Variants in SLC49A4 observed in about 807,000 individuals in gnomAD.
SLC49A4 encodes disrupted in renal cancer protein 2.
SLC49A4 carries 36 observed loss-of-function variants against 50.6 expected under a neutral mutation model. That is an observed-to-expected ratio of 0.71 (90% CI 0.55 to 0.94). The LOEUF (loss-of-function observed/expected upper bound fraction) is 0.94, where lower values mean the gene tolerates loss of function less well. Among genes scored for constraint, SLC49A4 ranks in the 40% least tolerant of loss-of-function variants. The pLI, the probability that SLC49A4 is intolerant of heterozygous loss-of-function variation, is 0.00. For synonymous variants in SLC49A4, 248 were observed against 241.2 expected (o/e 1.03, Z -0.26); for missense variants, 503 against 605.7 (o/e 0.83, Z 1.78).
chr3:122,795,507 C>A lies in SLC49A4; in HGVS notation c.315C>A (p.Phe105Leu). 6.2e-7 allele frequency: 1 copy of A among 1,601,852 alleles called. No homozygotes were observed. Among genetic ancestry groups the A allele is most frequent in the South Asian group, 1.1e-5 (1 of 90,530 alleles). Residue 105 changes from phenylalanine to leucine, a missense_variant, in exon 1 of 9, where the codon TTC (phenylalanine) becomes TTA (leucine). By Grantham distance (22) the Phe-to-Leu change is conservative. Transcript: ENST00000261038. ...GGCCCATCGGCTTCCTGCCCTGCTT[C>A]GCGTTCATGTGGCTCCTGGACAAGA... ...LWGPIGFLPC[F>L]AFMWLLDKRG...
intron 2 of SLC49A4, among the ~76,000 whole-genome samples, chr3:122,809,962 C>T (rs982093428): frequency 7.2e-5 from 11 of 152,132 alleles, no homozygotes; most frequent in African/African-American, 2.7e-4. Context: ...GAAAATGCTA[C>T]AATTGGAACA....
At chr3:122,823,888 A>G (rs182383790) in intron 2 of SLC49A4, among the ~76,000 whole-genome samples, 22 of 152,354 alleles carry the variant, frequency 1.4e-4, no homozygotes, top group East Asian at 1.3e-3. Flanking sequence ...GACAATCTTA[A>G]TATTACAGAT....
intron 7 of SLC49A4, among the ~76,000 whole-genome samples, chr3:122,868,115 CAAAA>C (rs748874580): frequency 3.0e-5 from 3 of 99,558 alleles, no homozygotes; most frequent in African/African-American, 3.7e-5. Context: ...ACTCCGTCTC[CAAAA>C]AAAAAAAAAA....
chr3:122,796,901 CA>C (rs1369929751), intron 1 of SLC49A4, among the ~76,000 whole-genome samples: 2 of 151,920 alleles, frequency 1.3e-5, no homozygotes, highest in African/African-American at 2.4e-5. Flanking sequence ...AATACATAAA[CA>C]AAATATGAAT....
intron 4 of SLC49A4, among the ~76,000 whole-genome samples, chr3:122,837,823 G>C (rs1201167870): frequency 6.6e-6 from 1 of 151,964 alleles, no homozygotes; most frequent in Non-Finnish European, 1.5e-5. Context: ...CTGACAAAGG[G>C]CTAATATCCA....
At chr3:122,874,326 C>G (rs1194465767) in intron 8 of SLC49A4, among the ~76,000 whole-genome samples, 7 of 152,178 alleles carry the variant, frequency 4.6e-5, no homozygotes, top group Non-Finnish European at 8.8e-5. Flanking sequence ...ATGGAACCGA[C>G]GTCAGTCAGT....
intron 8 of SLC49A4, among the ~76,000 whole-genome samples, chr3:122,873,125 G>T (rs1937216923): frequency 6.6e-6 from 1 of 152,032 alleles, no homozygotes; most frequent in Non-Finnish European, 1.5e-5. Context: ...TTTCTGACAG[G>T]GTTATAACTG....
intron 2 of SLC49A4, among the ~76,000 whole-genome samples, chr3:122,820,586 T>C (rs1322651330): frequency 1.3e-5 from 2 of 152,224 alleles, no homozygotes; most frequent in Non-Finnish European, 2.9e-5. Flanking sequence ...ATGTGAACTG[T>C]AGATCTTCAA....
At chr3:122,872,824 G>A (rs1453930533) in intron 8 of SLC49A4, among the ~76,000 whole-genome samples, 10 of 25,834 alleles carry the variant, frequency 3.9e-4, no homozygotes, top group East Asian at 1.7e-3. Context: ...CCCCACCCCC[G>A]AATTTCTGAA....
Position 122,856,240 on chromosome 3 carries a change from TTTTTCATTCC to T in SLC49A4, c.943-62_943-53del, listed in dbSNP as rs1936987698. ...CTAACATATTGATTATAGAGGACTTTTTTTCATTCCTTTTATATTGCAGTATGATTGTCTT... is the reference window on the plus strand; with the variant it reads ...CTAACATATTGATTATAGAGGACTTTTTTTATATTGCAGTATGATTGTCTT... On this transcript the variant is annotated intron_variant, in intron 5 of 8. Coordinates refer to ENST00000261038, the MANE Select transcript of SLC49A4 (RefSeq NM_032839.3). 40 of 1,540,928 alleles carry T rather than the reference TTTTTCATTCC, an allele frequency of 2.6e-5. 1 individual carries two copies. In the South Asian group the frequency reaches 4.6e-4, roughly 18 times the overall value.
At chr3:122,865,896 A>C (rs146378185) in intron 7 of SLC49A4, among the ~76,000 whole-genome samples, 70 of 152,190 alleles carry the variant, frequency 4.6e-4, no homozygotes, top group African/African-American at 1.7e-3. Context: ...TCTTGATTCT[A>C]CTCCTTAAGA....
intron 5 of SLC49A4, among the ~76,000 whole-genome samples, chr3:122,852,511 CTG>C (rs1936939004): frequency 1.3e-5 from 2 of 152,160 alleles, no homozygotes; most frequent in South Asian, 4.1e-4. Flanking sequence ...ACATGAAAAA[CTG>C]TGGAGATAAT....
chr3:122,868,565 G>A (rs1400416584), intron 7 of SLC49A4, among the ~76,000 whole-genome samples: 1 of 152,210 alleles, frequency 6.6e-6, no homozygotes, highest in East Asian at 1.9e-4. Context: ...AACTCAAATG[G>A]AAGTCAAATT....
intron 7 of SLC49A4, among the ~76,000 whole-genome samples, chr3:122,867,106 T>C (rs1157864939): frequency 6.6e-6 from 1 of 152,242 alleles, no homozygotes; most frequent in Non-Finnish European, 1.5e-5. Context: ...AGCTAAGTTT[T>C]CCCTCTTATA....
intron 3 of SLC49A4, among the ~76,000 whole-genome samples, chr3:122,831,353 G>T (rs932990506): frequency 6.6e-6 from 1 of 151,964 alleles, no homozygotes; most frequent in African/African-American, 2.4e-5. Flanking sequence ...GCGAAAAAGT[G>T]GAAACAACCC....
At position 122,860,163 on chromosome 3, in the gene SLC49A4, A is replaced by G; in HGVS notation, c.1099A>G (p.Thr367Ala). ...ACTGTCATCCACGTGGTTCACCCTG[A>G]CCTGTTTGAACAGCATCACACACCT... ...ATLSSTWFTL[T>A]CLNSITHLPL... Residue 367 changes from threonine (T) to alanine (A), a missense_variant, in exon 7 of 9, where the codon ACC (threonine) becomes GCC (alanine). Thr to Ala is a moderately conservative substitution (Grantham distance 58). Transcript: ENST00000261038. The G allele has an allele frequency of 6.2e-7, 1 of 1,612,254 alleles. No individual in the cohort carries two copies. The highest frequency in any genetic ancestry group is 8.5e-7 in the Non-Finnish European group (1 of 1,179,144).
At chr3:122,801,953 A>G (rs967231446) in intron 1 of SLC49A4, among the ~76,000 whole-genome samples, 3 of 152,164 alleles carry the variant, frequency 2.0e-5, no homozygotes, top group Non-Finnish European at 2.9e-5. Context: ...TGATGGAGTA[A>G]CGGGAACTGG....
chr3:122,827,325 C>T (rs951886934), intron 3 of SLC49A4, among the ~76,000 whole-genome samples: 6 of 152,168 alleles, frequency 3.9e-5, no homozygotes, highest in African/African-American at 7.2e-5. Context: ...CATCTATTTA[C>T]GGTTAAGTAC....
intron 4 of SLC49A4, among the ~76,000 whole-genome samples, chr3:122,842,864 G>C (rs1560220306): frequency 6.6e-6 from 1 of 151,986 alleles, no homozygotes; most frequent in Non-Finnish European, 1.5e-5. Context: ...TTCTACCTTT[G>C]GGCTCTCCAG....
Sources: gnomAD v4.1 joint callset for allele counts (sites outside exome capture counted in the v4.1 genomes callset) on GRCh38, gnomAD v4.1.1 for gene constraint, MANE v1.5 for transcripts, NCBI Gene and HGNC (gene_info 2026-07-23, HGNC 2026-07-21) for gene names.